Variants in TGM3 observed in about 807,000 individuals in gnomAD.
The protein encoded by TGM3 is transglutaminase 3.
TGM3 carries 52 observed loss-of-function variants against 73.8 expected under a neutral mutation model. The observed-to-expected ratio is 0.70, with a 90% CI of 0.56 to 0.89. The LOEUF (loss-of-function observed/expected upper bound fraction) is 0.89. TGM3 is among the 40% of genes least tolerant of loss of function. TGM3 has a pLI of 0.00. For missense variants in TGM3, 928 were observed against 909.9 expected, an observed-to-expected ratio of 1.02 and a Z score of -0.26; for synonymous variants, 372 against 354.9, an observed-to-expected ratio of 1.05 and a Z score of -0.54.
Position 2,332,375 on chromosome 20 carries a change from C to T in TGM3, c.1642+65C>T, listed in dbSNP as rs2084326332. 3 of 1,455,632 alleles carry T rather than the reference C, an allele frequency of 2.1e-6. No homozygotes were observed. The highest frequency in any genetic ancestry group is 2.8e-5 in the African/African-American group (2 of 70,488). 90.2% of individuals were successfully genotyped at this position (1,455,632 alleles called of 1,614,324 possible). A position where few individuals can be genotyped will look rare whatever the true frequency, so the allele number is the denominator to read the frequency against. ...GGTAGCCAATGGCCTTCTGGGGCTG[C>T]AGGGTGTCTGCTGGGCTCCAGGTTA... On this transcript the variant is annotated intron_variant, in intron 10 of 12. Transcript: ENST00000381458. The surrounding 1 kb of genome is among the most constrained non-coding windows in gnomAD (Gnocchi z 4.4).
intron 1 of TGM3, among the ~76,000 whole-genome samples, chr20:2,304,294 G>A (rs2084166436): frequency 6.6e-6 from 1 of 152,186 alleles, no homozygotes; most frequent in East Asian, 1.9e-4. Flanking sequence ...TAAGGGACAG[G>A]ACGATGACTG....
chr20:2,326,084 A>T, intron 8 of TGM3, 132 bp downstream of exon 8: 1 of 891,422 alleles, frequency 1.1e-6, no homozygotes, highest in South Asian at 1.6e-5. Flanking sequence ...AAAATAGTTT[A>T]AAAATAGATC....
chr20:2,297,231 G>C (rs984220734), intron 1 of TGM3, among the ~76,000 whole-genome samples: 1 of 152,236 alleles, frequency 6.6e-6, no homozygotes, highest in African/African-American at 2.4e-5. Context: ...GGTCTCAGCA[G>C]TGCCCTTTCC....
intron 5 of TGM3, among the ~76,000 whole-genome samples, chr20:2,314,731 G>A (rs2084224673): frequency 6.6e-6 from 1 of 151,778 alleles, no homozygotes. Flanking sequence ...CAAAAAAAAA[G>A]GCGAAAAGTC....
chr20:2,310,345 A>T lies in TGM3; in HGVS notation c.349A>T (p.Ile117Phe), dbSNP rs773796396. Residue 117 changes from isoleucine to phenylalanine, a missense_variant, in exon 3 of 13, where the codon ATC (isoleucine) becomes TTC (phenylalanine). Transcript: ENST00000381458. Reference protein sequence around the residue: ...PIGRYTMALQIFSQGGISSVK... With the variant: ...PIGRYTMALQFFSQGGISSVK... The stretch of plus-strand genomic sequence containing the variant: ...AGGACGGTACACAATGGCCCTCCAG[A>T]TCTTCTCCCAGGGCGGCATCTCCTC... The T allele has an allele frequency of 1.9e-6, 3 of 1,614,170 alleles. No individual in the cohort carries two copies. Among genetic ancestry groups the T allele is most frequent in the Non-Finnish European group, 1.7e-6 (2 of 1,180,016 alleles).
intron 1 of TGM3, among the ~76,000 whole-genome samples, chr20:2,303,146 A>G (rs2084159525): frequency 6.6e-6 from 1 of 151,974 alleles, no homozygotes; most frequent in Non-Finnish European, 1.5e-5. Flanking sequence ...TAAAAATACA[A>G]AAAAATTAGC....
At chr20:2,300,440 CCTT>C (rs1261773653) in intron 1 of TGM3, among the ~76,000 whole-genome samples, 1 of 152,178 alleles carries the variant, frequency 6.6e-6, no homozygotes, top group Non-Finnish European at 1.5e-5. Flanking sequence ...GAAGAGAAGT[CCTT>C]CTGTCCTCTC....
chr20:2,314,530 T>C (rs1046770587), intron 5 of TGM3, among the ~76,000 whole-genome samples: 26 of 136,684 alleles, frequency 1.9e-4, no homozygotes, highest in African/African-American at 4.8e-4. Flanking sequence ...CATCTACACA[T>C]ACACACACAC....
At position 2,296,058 on chromosome 20, in the gene TGM3, C is replaced by T. The variant is rs770977828; in HGVS notation, c.-6C>T. On this transcript the variant is annotated 5_prime_UTR_variant, in exon 1 of 13. Coordinates refer to ENST00000381458, the MANE Select transcript of TGM3 (RefSeq NM_003245.4). ...GAGCCTGAGAAGAGGCAGAGGAAGG[C>T]GAAACATGGCTGGTGAGTGCATGGC... 1.3e-5 allele frequency: 20 copies of T among 1,551,178 alleles called. No homozygotes were observed. Among genetic ancestry groups the T allele is most frequent in the African/African-American group, 4.1e-5 (3 of 73,046 alleles).
chr20:2,305,929 T>TA (rs937731027), intron 1 of TGM3, among the ~76,000 whole-genome samples: 1 of 152,238 alleles, frequency 6.6e-6, no homozygotes, highest in African/African-American at 2.4e-5. Flanking sequence ...AAACTTCAAC[T>TA]AATAGTATGA....
At chr20:2,312,768 C>T in intron 4 of TGM3, 130 bp from the exon 5 acceptor site, 2 of 1,321,934 alleles carry the variant, frequency 1.5e-6, no homozygotes, top group Admixed American at 1.9e-5. Flanking sequence ...TCCTCAGTAG[C>T]TCTCAGTTCC....
Position 2,328,343 on chromosome 20 carries a change from G to A in TGM3, c.1311G>A (p.Thr437=), listed in dbSNP as rs540980778. Reference sequence around the variant, plus strand: ...GCAGCAATGCTCGCATGGACGTCACGGACAAGTACAAGTACCCAGAAGGTA... The same window carrying A: ...GCAGCAATGCTCGCATGGACGTCACAGACAAGTACAAGTACCCAGAAGGTA... The part of the protein sequence containing the change: ...AVGSNARMDV[T]DKYKYPEGSD... The change falls in exon 9 of 13, where the codon ACG becomes ACA. Residue 437 remains threonine (T), a synonymous_variant. Transcript: ENST00000381458. This position sits in a 1 kb window ranked among gnomAD's most constrained non-coding sequence, Gnocchi z 5.2. The A allele has an allele frequency of 2.5e-5, 41 of 1,614,004 alleles. No individual in the cohort carries two copies. The highest frequency in any genetic ancestry group is 3.2e-5 in the Non-Finnish European group (38 of 1,180,034).
chr20:2,340,689 C>A lies in TGM3; in HGVS notation c.*108C>A. The A allele has an allele frequency of 6.9e-7, 1 of 1,452,580 alleles. No homozygotes were observed. Among genetic ancestry groups the A allele is most frequent in the South Asian group, 1.2e-5 (1 of 81,426 alleles). The allele number at this position is 1,452,580 out of a possible 1,614,324, so 90.0% of individuals were successfully genotyped here. On this transcript the variant is annotated 3_prime_UTR_variant, in exon 13 of 13. Transcript: ENST00000381458. Reference sequence around the variant, plus strand: ...GTCCGGCCTGGGAAACCCTCTCCATCTCCCAAGGCTGCCAGACATGGACCT... The same window carrying A: ...GTCCGGCCTGGGAAACCCTCTCCATATCCCAAGGCTGCCAGACATGGACCT...
chr20:2,325,992 A>G lies in TGM3; in HGVS notation c.1087+40A>G, dbSNP rs763581598. 20 of 1,550,304 alleles carry G rather than the reference A, an allele frequency of 1.3e-5. No individual in the cohort carries two copies. In the Admixed American group the frequency reaches 2.7e-4, roughly 21 times the overall value. The stretch of plus-strand genomic sequence containing the variant: ...TGTGGTTCTGAGTCGTGAGCCTCAC[A>G]GTTATTTACAGCCATGGACAGCAGC... On this transcript the variant is annotated intron_variant, in intron 8 of 12. Transcript: ENST00000381458.
chr20:2,301,646 A>G (rs2084148700), intron 1 of TGM3, among the ~76,000 whole-genome samples: 1 of 151,904 alleles, frequency 6.6e-6, no homozygotes, highest in Non-Finnish European at 1.5e-5. Context: ...TATTAGATAG[A>G]TTTCTTGATT....
At chr20:2,307,210 A>G (rs2084180605) in intron 1 of TGM3, among the ~76,000 whole-genome samples, 1 of 152,042 alleles carries the variant, frequency 6.6e-6, no homozygotes, top group Non-Finnish European at 1.5e-5. Context: ...GAGTAAGCTC[A>G]CCTCTTGAGT....
chr20:2,315,110 G>A (rs1301286352), intron 5 of TGM3, among the ~76,000 whole-genome samples: 2 of 152,254 alleles, frequency 1.3e-5, no homozygotes, highest in South Asian at 2.1e-4. Context: ...TTAAAGCCCT[G>A]GTGACTTAGA....
At chr20:2,308,791 A>C (rs2084187718) in intron 1 of TGM3, among the ~76,000 whole-genome samples, 1 of 152,228 alleles carries the variant, frequency 6.6e-6, no homozygotes, top group African/African-American at 2.4e-5. Flanking sequence ...GAGAGGCGAA[A>C]CATGCTTGGT....
At chr20:2,304,083 C>A (rs569596456) in intron 1 of TGM3, among the ~76,000 whole-genome samples, 1 of 152,288 alleles carries the variant, frequency 6.6e-6, no homozygotes, top group Admixed American at 6.5e-5. Context: ...ACATAAGGTG[C>A]AGAAGACAGC....
Sources: allele counts gnomAD v4.1 joint callset (sites outside exome capture counted in the v4.1 genomes callset), GRCh38; gene constraint gnomAD v4.1.1; non-coding constraint Gnocchi (gnomAD v3.1); transcripts MANE v1.5; gene names NCBI Gene and HGNC (gene_info 2026-07-23, HGNC 2026-07-21).